Variants in NELL1 observed in about 807,000 individuals in gnomAD.
NELL1 encodes neural EGFL like 1.
NELL1 carries 76 observed loss-of-function variants against 107.4 expected under a neutral mutation model. That is an observed-to-expected ratio of 0.71 (90% CI 0.59 to 0.86). The LOEUF is 0.86. NELL1 is among the 40% of genes least tolerant of loss of function. The probability of loss-of-function intolerance (pLI) is 0.00; values close to 1 mark genes in which losing one functional copy is unlikely to be tolerated. For missense variants in NELL1, 1,024 were observed against 1,005.5 expected (o/e 1.02, Z -0.25); for synonymous variants, 353 against 341.2 (o/e 1.03, Z -0.38).
chr11:20,690,385 G>A lies in NELL1; in HGVS notation c.184+12325G>A, dbSNP rs1452944973. On this transcript the variant is annotated intron_variant, in intron 2 of 19. Coordinates refer to ENST00000357134, the MANE Select transcript of NELL1 (RefSeq NM_006157.5). ...GCCTATGTCCTGAATGGTGATGCCT[G>A]GGTTTTCTTCTAGGGTTTTTATGGT... 1.1e-4 allele frequency among the ~76,000 whole-genome samples: 17 copies of A among 152,266 alleles called. 1 individual carries two copies. The highest frequency in any genetic ancestry group is 6.8e-3 in the Middle Eastern group (2 of 294).
intron 4 of NELL1, among the ~76,000 whole-genome samples, chr11:20,879,036 T>C (rs1849359197): frequency 6.6e-6 from 1 of 152,208 alleles, no homozygotes; most frequent in African/African-American, 2.4e-5. Context: ...ACAGGAATGC[T>C]GTGGTCAGTG....
intron 3 of NELL1, among the ~76,000 whole-genome samples, chr11:20,805,787 C>T (rs370651488): frequency 6.6e-6 from 1 of 152,232 alleles, no homozygotes; most frequent in Non-Finnish European, 1.5e-5. Context: ...CAGGCGTGAG[C>T]CACCGTGCCT....
intron 5 of NELL1, among the ~76,000 whole-genome samples, chr11:20,911,427 G>T (rs1850129192): frequency 6.6e-6 from 1 of 152,146 alleles, no homozygotes; most frequent in South Asian, 2.1e-4. Flanking sequence ...ACCTTATATA[G>T]CCCAGAAGTG....
At chr11:20,878,921 G>T (rs182233765) in intron 4 of NELL1, among the ~76,000 whole-genome samples, 3 of 152,282 alleles carry the variant, frequency 2.0e-5, no homozygotes, top group African/African-American at 4.8e-5. Context: ...CTTACAGTGT[G>T]CTGGGTAAAA....
At chr11:21,174,213 G>A (rs1856664796) in intron 13 of NELL1, among the ~76,000 whole-genome samples, 1 of 151,766 alleles carries the variant, frequency 6.6e-6, no homozygotes, top group Non-Finnish European at 1.5e-5. Context: ...ACTGCTATTA[G>A]ATAACTAATA....
intron 5 of NELL1, among the ~76,000 whole-genome samples, chr11:20,904,183 A>G (rs1212163690): frequency 2.0e-5 from 3 of 152,084 alleles, no homozygotes; most frequent in Non-Finnish European, 4.4e-5. Flanking sequence ...CAATGTGCAC[A>G]TGTACCCTAA....
At chr11:20,898,881 A>G (rs889615578) in intron 5 of NELL1, among the ~76,000 whole-genome samples, 1 of 152,066 alleles carries the variant, frequency 6.6e-6, no homozygotes, top group Non-Finnish European at 1.5e-5. Context: ...TTATTTACAG[A>G]TCTAGGTGGC....
intron 14 of NELL1, among the ~76,000 whole-genome samples, chr11:21,269,052 A>T (rs953999641): frequency 6.6e-6 from 1 of 152,062 alleles, no homozygotes; most frequent in Non-Finnish European, 1.5e-5. Context: ...TACATGGCTG[A>T]GGAAAAAAAA....
intron 13 of NELL1, among the ~76,000 whole-genome samples, chr11:21,223,881 T>C (rs77966429): frequency 0.019 from 2,840 of 152,342 alleles, 94 homozygotes; most frequent in African/African-American, 0.065. Flanking sequence ...AGTTTTTGCT[T>C]GTCTGAGATA....
At chr11:21,327,379 C>G (rs1850170739) in intron 14 of NELL1, among the ~76,000 whole-genome samples, 1 of 152,010 alleles carries the variant, frequency 6.6e-6, no homozygotes, top group Non-Finnish European at 1.5e-5. Flanking sequence ...AGGGGCTTTT[C>G]CCCATTTTGC....
chr11:20,769,569 T>C (rs1856600880), intron 2 of NELL1: 1 of 152,240 alleles, frequency 6.6e-6, no homozygotes. Flanking sequence ...GAGAACATAC[T>C]CCACAAATAC....
intron 13 of NELL1, among the ~76,000 whole-genome samples, chr11:21,170,454 A>G (rs370210561): frequency 8.6e-5 from 13 of 151,924 alleles, no homozygotes; most frequent in African/African-American, 3.2e-4. Context: ...CACTTTATGT[A>G]TCCCAGTTTT....
chr11:20,820,594 G>A (rs568070899), intron 3 of NELL1, among the ~76,000 whole-genome samples: 1 of 152,236 alleles, frequency 6.6e-6, no homozygotes, highest in Non-Finnish European at 1.5e-5. Flanking sequence ...CTGCCCTTCT[G>A]ACTTCATCTC....
intron 1 of NELL1, among the ~76,000 whole-genome samples, chr11:20,675,493 G>C (rs1024100605): frequency 4.6e-5 from 7 of 152,150 alleles, no homozygotes; most frequent in Non-Finnish European, 1.0e-4. Context: ...GAGCCTGCCT[G>C]CCATCTGTCC....
chr11:21,318,876 T>C (rs1483253421), intron 14 of NELL1, among the ~76,000 whole-genome samples: 1 of 152,060 alleles, frequency 6.6e-6, no homozygotes, highest in Admixed American at 6.5e-5. Flanking sequence ...ATCCCGACTC[T>C]AGTTCTTCCG....
intron 14 of NELL1, among the ~76,000 whole-genome samples, chr11:21,290,064 G>C (rs1849215350): frequency 6.6e-6 from 1 of 152,154 alleles, no homozygotes; most frequent in Non-Finnish European, 1.5e-5. Context: ...TGTGGGTGCA[G>C]CTTAAGCAGA....
chr11:20,894,810 G>A (rs879134081), intron 5 of NELL1, among the ~76,000 whole-genome samples: 1 of 152,100 alleles, frequency 6.6e-6, no homozygotes, highest in Non-Finnish European at 1.5e-5. Context: ...TACACTAAAA[G>A]GCATGCACAG....
intron 13 of NELL1, among the ~76,000 whole-genome samples, chr11:21,147,333 G>T (rs552344688): frequency 1.3e-5 from 2 of 152,122 alleles, no homozygotes; most frequent in East Asian, 3.9e-4. Flanking sequence ...GTAATGTGCC[G>T]CATTCCCCAA....
At chr11:20,758,020 G>C (rs1006651767) in intron 2 of NELL1, among the ~76,000 whole-genome samples, 1 of 152,136 alleles carries the variant, frequency 6.6e-6, no homozygotes, top group African/African-American at 2.4e-5. Flanking sequence ...TCTTCACATG[G>C]CAGAGAGAGA....
Sources: gnomAD v4.1 joint callset for allele counts (sites outside exome capture counted in the v4.1 genomes callset) on GRCh38, gnomAD v4.1.1 for gene constraint, MANE v1.5 for transcripts, NCBI Gene and HGNC (gene_info 2026-07-23, HGNC 2026-07-21) for gene names.